Variants in BBS4 observed in about 807,000 individuals in gnomAD.
BBS4 encodes the protein BBSome complex member BBS4.
A neutral mutation model predicts 71.4 loss-of-function variants in BBS4; 58 were observed. The observed-to-expected ratio is 0.81, with a 90% CI of 0.66 to 1.01. The LOEUF (loss-of-function observed/expected upper bound fraction) is 1.01, where lower values mean the gene tolerates loss of function less well. BBS4 is among the 50% of genes least tolerant of loss of function. The pLI is 0.00. For missense variants in BBS4, 660 were observed against 607.9 expected (o/e 1.09, Z -0.90); for synonymous variants, 228 against 216.8 (o/e 1.05, Z -0.46).
chr15:72,695,945 G>A (rs979962889), intron 2 of BBS4, among the ~76,000 whole-genome samples: 5 of 152,180 alleles, frequency 3.3e-5, no homozygotes, highest in East Asian at 3.9e-4. Flanking sequence ...GAAATAATGT[G>A]TATTCTGCTC....
At chr15:72,698,842 C>T (rs972795471) in intron 2 of BBS4, among the ~76,000 whole-genome samples, 1 of 152,176 alleles carries the variant, frequency 6.6e-6, no homozygotes, top group African/African-American at 2.4e-5. Flanking sequence ...ACATGCTCTT[C>T]ACTTCATTAA....
intron 6 of BBS4, among the ~76,000 whole-genome samples, chr15:72,720,427 C>T (rs1403063086): frequency 6.8e-6 from 1 of 146,288 alleles, no homozygotes; most frequent in Non-Finnish European, 1.5e-5. Flanking sequence ...TGCAGTGATG[C>T]GGTGAACTGT....
At chr15:72,732,366 T>C (rs186268514) in intron 12 of BBS4, among the ~76,000 whole-genome samples, 7 of 152,316 alleles carry the variant, frequency 4.6e-5, no homozygotes, top group Admixed American at 1.3e-4. Flanking sequence ...AATACTAAAA[T>C]TGATCATAAA....
chr15:72,716,726 T>C (rs2065473880), intron 5 of BBS4, 52 bp from the exon 6 acceptor site: 1 of 1,274,866 alleles, frequency 7.8e-7, no homozygotes, highest in Non-Finnish European at 1.1e-6. Flanking sequence ...CTAGTAGGGT[T>C]AGTCTTCTAA....
At chr15:72,705,587 CTTTTTTT>C (rs762708438) in intron 2 of BBS4, among the ~76,000 whole-genome samples, 1 of 86,862 alleles carries the variant, frequency 1.2e-5, no homozygotes, top group African/African-American at 4.6e-5. Flanking sequence ...ATGGCTTGTC[CTTTTTTT>C]TTTTTTTTTT....
In BBS4 at chr15:72,731,427, GTGTTTCT is replaced by G. The variant is rs2151047525; in HGVS notation, c.836_842del (p.Cys279LeufsTer13). On this transcript the variant is annotated frameshift_variant, in exon 11 of 16. Transcript: ENST00000268057. LOFTEE classifies it high-confidence loss of function. ...CTCCACTCTGGAATAACATTGGAAT[GTGTTTCT>G]TTGGCAAGAAGAAATATGTGGCGGT... The G allele has an allele frequency of 6.2e-7, 1 of 1,614,190 alleles. No individual in the cohort carries two copies.
At chr15:72,711,187 G>A (rs1295751040) in intron 3 of BBS4, among the ~76,000 whole-genome samples, 1 of 150,754 alleles carries the variant, frequency 6.6e-6, no homozygotes, top group African/African-American at 2.4e-5. Flanking sequence ...TGCTCTTGTC[G>A]CCAAGGGTGG....
intron 6 of BBS4, chr15:72,717,261 GT>G (rs575812102): frequency 3.4e-4 from 57 of 166,968 alleles, no homozygotes; most frequent in Admixed American, 2.4e-3. Flanking sequence ...GGGCCTTTGA[GT>G]AGTTCTTTAT....
chr15:72,703,237 C>T (rs1470638613), intron 2 of BBS4, among the ~76,000 whole-genome samples: 1 of 152,140 alleles, frequency 6.6e-6, no homozygotes, highest in African/African-American at 2.4e-5. Flanking sequence ...CAGGGCTTCC[C>T]TCCCCGACCT....
intron 6 of BBS4, chr15:72,717,435 A>G (rs2065487171): frequency 6.5e-6 from 1 of 153,212 alleles, no homozygotes; most frequent in African/African-American, 2.4e-5. Context: ...TGGTGGTCCT[A>G]GGATGTCAAG....
rs143452270 is a variant in BBS4 at position 72,738,112 on chromosome 15, C to T, written c.*525C>T. On this transcript the variant is annotated 3_prime_UTR_variant, in exon 16 of 16. Coordinates refer to ENST00000268057, the MANE Select transcript of BBS4 (RefSeq NM_033028.5). Reference sequence around the variant, plus strand: ...CATTTAAAAGAAAAAAAACAAAAGCCCTGGAAGTTGAGGCCAAGCCTGCTG... The same window carrying T: ...CATTTAAAAGAAAAAAAACAAAAGCTCTGGAAGTTGAGGCCAAGCCTGCTG... 1.4e-4 allele frequency: 62 copies of T among 452,798 alleles called. No homozygotes were observed. Among genetic ancestry groups the T allele is most frequent in the African/African-American group, 1.1e-3 (53 of 49,858 alleles). 28.0% of individuals were successfully genotyped at this position (452,798 alleles called of 1,614,324 possible). A position where few individuals can be genotyped will look rare whatever the true frequency, so the allele number is the denominator to read the frequency against.
At chr15:72,713,345 A>ACACG (rs1555499607) in intron 4 of BBS4, among the ~76,000 whole-genome samples, 27 of 118,500 alleles carry the variant, frequency 2.3e-4, no homozygotes, top group African/African-American at 4.0e-4. Flanking sequence ...ACACACACAC[A>ACACG]CACACGCACA....
intron 4 of BBS4, among the ~76,000 whole-genome samples, chr15:72,714,328 C>A (rs1171270468): frequency 6.8e-6 from 1 of 148,122 alleles, no homozygotes; most frequent in African/African-American, 2.5e-5. Flanking sequence ...CAGGTTCAAG[C>A]GATCCTCCTG....
intron 1 of BBS4, among the ~76,000 whole-genome samples, chr15:72,694,234 A>G (rs904085548): frequency 5.5e-5 from 8 of 145,454 alleles, no homozygotes; most frequent in African/African-American, 2.1e-4. Flanking sequence ...TCTGTTGCCC[A>G]GGCCGGGGGG....
chr15:72,715,183 T>A (rs1016274246), intron 4 of BBS4, 108 bp from the exon 5 acceptor site: 137 of 767,342 alleles, frequency 1.8e-4, no homozygotes, highest in Non-Finnish European at 2.5e-4. Context: ...CCAAAGGATT[T>A]ACTTGATGTG....
Position 72,737,558 on chromosome 15 carries a change from GA to G in BBS4, c.1534del (p.Thr512HisfsTer5). 1 of 1,611,018 alleles carries G rather than the reference GA, an allele frequency of 6.2e-7. No individual in the cohort carries two copies. On this transcript the variant is annotated frameshift_variant, in exon 16 of 16. Coordinates refer to ENST00000268057, the MANE Select transcript of BBS4 (RefSeq NM_033028.5). LOFTEE classifies it high-confidence loss of function. ...PEPAVESSPT[E>X]TSEQIREK ...GCCTGCGGTGGAATCAAGTCCAACT[GA>G]AACATCAGAACAAATAAGAGAGAAA...
rs1042320767 is a variant in BBS4, at chr15:72,731,420, T to C, written c.827T>C (p.Ile276Thr). The change falls in exon 11 of 16, where the codon ATT becomes ACT. Residue 276 changes from isoleucine (I) to threonine (T), a missense_variant. Physicochemically the swap from Ile to Thr is moderately conservative, Grantham distance 89. Transcript: ENST00000268057. ...VPESPPLWNN[I>T]GMCFFGKKKY... Reference sequence around the variant, plus strand: ...GAAAGTCCTCCACTCTGGAATAACATTGGAATGTGTTTCTTTGGCAAGAAG... The same window carrying C: ...GAAAGTCCTCCACTCTGGAATAACACTGGAATGTGTTTCTTTGGCAAGAAG... 3 of 1,614,152 alleles carry C rather than the reference T, an allele frequency of 1.9e-6. No individual in the cohort carries two copies. The highest frequency in any genetic ancestry group is 1.1e-5 in the South Asian group (1 of 91,084).
At chr15:72,686,385 C>T in intron 1 of BBS4, 134 bp downstream of exon 1, 2 of 1,537,214 alleles carry the variant, frequency 1.3e-6, no homozygotes, top group Non-Finnish European at 1.7e-6. Flanking sequence ...CGGGGCGACA[C>T]GGTCCCCTTT....
At chr15:72,735,560 G>C (rs1409348513) in intron 13 of BBS4, 4 of 559,214 alleles carry the variant, frequency 7.2e-6, no homozygotes, top group Non-Finnish European at 1.3e-5. Context: ...CAGCAGGGTA[G>C]AGATCCCTTT....
Sources: gnomAD v4.1 joint callset for allele counts (sites outside exome capture counted in the v4.1 genomes callset) on GRCh38, gnomAD v4.1.1 for gene constraint, MANE v1.5 for transcripts, NCBI Gene and HGNC (gene_info 2026-07-23, HGNC 2026-07-21) for gene names.